Variants in PDE4D observed in about 807,000 individuals in gnomAD.
PDE4D encodes the protein 3',5'-cyclic-AMP phosphodiesterase 4D.
In PDE4D, 24 loss-of-function variants were observed where a neutral mutation model predicts 87.4. The ratio of observed to expected loss-of-function variants is 0.27; its 90% confidence interval spans 0.20 to 0.39. The LOEUF (loss-of-function observed/expected upper bound fraction) is 0.39, where lower values mean the gene tolerates loss of function less well. Among genes scored for constraint, PDE4D ranks in the 10% least tolerant of loss-of-function variants. PDE4D has a pLI of 1.00. For synonymous variants in PDE4D, 384 were observed against 383.2 expected (o/e 1.00, Z -0.02); for missense variants, 714 against 1,041.0 (o/e 0.69, Z 4.32).
chr5:60,477,977 G>A (rs1339152835), intron 1 of PDE4D, among the ~76,000 whole-genome samples: 1 of 152,134 alleles, frequency 6.6e-6, no homozygotes, highest in African/African-American at 2.4e-5. Flanking sequence ...AATCTTCCAT[G>A]ATTATCCTTT....
chr5:60,297,063 C>G (rs1224484402), intron 1 of PDE4D, among the ~76,000 whole-genome samples: 1 of 151,828 alleles, frequency 6.6e-6, no homozygotes, highest in Non-Finnish European at 1.5e-5. Flanking sequence ...CACGTTCTGC[C>G]CATGTATCCC....
intron 1 of PDE4D, among the ~76,000 whole-genome samples, chr5:59,608,848 A>G (rs975166478): frequency 3.9e-5 from 6 of 151,968 alleles, no homozygotes; most frequent in Non-Finnish European, 5.9e-5. Flanking sequence ...ACTGTGTTTG[A>G]CTTCTGTCTT....
intron 1 of PDE4D, among the ~76,000 whole-genome samples, chr5:59,520,593 GA>G (rs1290560969): frequency 1.3e-5 from 2 of 151,914 alleles, no homozygotes; most frequent in African/African-American, 4.8e-5. Context: ...GAAAGAAGTA[GA>G]ACTAAGAGAA....
At chr5:59,455,205 G>A (rs1362321792) in intron 1 of PDE4D, among the ~76,000 whole-genome samples, 1 of 152,186 alleles carries the variant, frequency 6.6e-6, no homozygotes, top group Non-Finnish European at 1.5e-5. Flanking sequence ...AGGTCTTCAT[G>A]GCAGCCCCTC....
chr5:60,160,942 A>T (rs898534424), intron 2 of PDE4D: 1 of 321,462 alleles, frequency 3.1e-6, no homozygotes, highest in Non-Finnish European at 6.1e-6. Context: ...CAATAAAAAC[A>T]CTTCAAAACA....
At chr5:59,996,634 C>T (rs978083331) in intron 2 of PDE4D, among the ~76,000 whole-genome samples, 3 of 152,082 alleles carry the variant, frequency 2.0e-5, no homozygotes, top group Non-Finnish European at 2.9e-5. Flanking sequence ...TGTCTCATTA[C>T]TTATTATGTA....
rs56306218 is a variant in PDE4D at position 59,081,518 on chromosome 5, T to TTAAAAAA, written c.809-42548_809-42547insTTTTTTA. On this transcript the variant is annotated intron_variant, in intron 5 of 14. Transcript: ENST00000340635. ...ACCTCATGACCAGGAAGTAATCAGG[T>TTAAAAAA]AAAAAAAAAAAAGAAAAAAAGTGGG... Among the ~76,000 whole-genome samples the TTAAAAAA allele has an allele frequency of 2.0e-4, 27 of 135,434 alleles. 1 individual carries two copies. The highest frequency in any genetic ancestry group is 8.7e-4 in the East Asian group (4 of 4,594). The allele number at this position is 135,434 out of a possible 152,430, so 88.8% of individuals were successfully genotyped here.
chr5:60,123,485 C>G (rs1778871081), intron 2 of PDE4D, among the ~76,000 whole-genome samples: 1 of 152,064 alleles, frequency 6.6e-6, no homozygotes, highest in Non-Finnish European at 1.5e-5. Flanking sequence ...ATAAAACCAT[C>G]AGATCTTGTG....
chr5:59,419,242 T>A (rs1794105814), intron 1 of PDE4D, among the ~76,000 whole-genome samples: 1 of 152,192 alleles, frequency 6.6e-6, no homozygotes, highest in Non-Finnish European at 1.5e-5. Context: ...ACTATTAAAG[T>A]CCTTATGTAG....
intron 1 of PDE4D, among the ~76,000 whole-genome samples, chr5:60,268,043 C>G (rs563668332): frequency 7.4e-4 from 112 of 152,070 alleles, no homozygotes; most frequent in Non-Finnish European, 1.4e-3. Context: ...CCTTTCCAAG[C>G]CCTAATCATG....
chr5:60,286,871 T>A (rs899791193), intron 1 of PDE4D, among the ~76,000 whole-genome samples: 1 of 152,152 alleles, frequency 6.6e-6, no homozygotes, highest in Non-Finnish European at 1.5e-5. Context: ...TCTTTTTGTT[T>A]CCCCCTTAAT....
At chr5:58,976,574 G>T in intron 12 of PDE4D, 102 bp from the exon 13 acceptor site, 1 of 899,272 alleles carries the variant, frequency 1.1e-6, no homozygotes, top group Non-Finnish European at 1.7e-6. Context: ...ACAACACTAT[G>T]CCTTTTAATG....
intron 1 of PDE4D, among the ~76,000 whole-genome samples, chr5:59,407,271 C>A (rs1579846): frequency 0.089 from 13,563 of 152,272 alleles, 704 homozygotes; most frequent in Middle Eastern, 0.16. Flanking sequence ...CGTGAGATAG[C>A]TGCTCTCTCT....
At position 59,901,057 on chromosome 5, in the gene PDE4D, G is replaced by A. The variant is rs77149861; in HGVS notation, c.272+87431C>T. Among the ~76,000 whole-genome samples the A allele has an allele frequency of 3.8e-3, 575 of 152,112 alleles. 17 individuals are homozygous for A. The East Asian group carries it at 0.091, about 24-fold the overall frequency. ...AATTGACTCAACTATTGTAATTAACGGATTTCTTAAAATAGAAGAATTGTA... is the reference window on the plus strand; with the variant it reads ...AATTGACTCAACTATTGTAATTAACAGATTTCTTAAAATAGAAGAATTGTA... On this transcript the variant is annotated intron_variant, in intron 3 of 16. Coordinates refer to the PDE4D transcript ENST00000502484.
intron 1 of PDE4D, among the ~76,000 whole-genome samples, chr5:59,422,315 C>T (rs1794605747): frequency 6.6e-6 from 1 of 152,092 alleles, no homozygotes; most frequent in Non-Finnish European, 1.5e-5. Flanking sequence ...TCTCCATCAC[C>T]ACTAAACTAT....
intron 2 of PDE4D, among the ~76,000 whole-genome samples, chr5:60,093,409 T>C (rs1775344007): frequency 1.3e-5 from 2 of 152,358 alleles, no homozygotes; most frequent in African/African-American, 4.8e-5. Context: ...CACTTGTTCC[T>C]ATCTCAGATT....
intron 1 of PDE4D, among the ~76,000 whole-genome samples, chr5:59,697,423 G>A (rs77914825): frequency 0.029 from 4,344 of 152,270 alleles, 179 homozygotes; most frequent in African/African-American, 0.089. Context: ...GGGCAAGTGT[G>A]TGGGGGTGGG....
intron 11 of PDE4D, among the ~76,000 whole-genome samples, chr5:58,987,880 A>G (rs1381662755): frequency 6.6e-6 from 1 of 152,162 alleles, no homozygotes; most frequent in Non-Finnish European, 1.5e-5. Context: ...AACATTCCCT[A>G]CACAGGCTTT....
At chr5:60,097,621 C>T (rs766574773) in intron 2 of PDE4D, among the ~76,000 whole-genome samples, 5 of 151,882 alleles carry the variant, frequency 3.3e-5, no homozygotes, top group Non-Finnish European at 7.4e-5. Context: ...AAGACTGATA[C>T]CTTGCTTGCT....
Sources: allele counts gnomAD v4.1 joint callset (sites outside exome capture counted in the v4.1 genomes callset), GRCh38; gene constraint gnomAD v4.1.1; transcripts MANE v1.5; gene names NCBI Gene and HGNC (gene_info 2026-07-23, HGNC 2026-07-21).